Variants in SEL1L observed in about 807,000 individuals in gnomAD.
SEL1L encodes protein sel-1 homolog 1.
Under a neutral mutation model 109.8 loss-of-function variants are expected in SEL1L, and 52 were observed. That is an observed-to-expected ratio of 0.47 (90% CI 0.38 to 0.60). The LOEUF (loss-of-function observed/expected upper bound fraction) is 0.60. Among genes scored for constraint, SEL1L ranks in the 20% least tolerant of loss-of-function variants. The pLI, the probability that SEL1L is intolerant of heterozygous loss-of-function variation, is 0.00. For missense variants in SEL1L, 749 were observed against 962.2 expected, an observed-to-expected ratio of 0.78 and a Z score of 2.93; for synonymous variants, 373 against 339.6, an observed-to-expected ratio of 1.10 and a Z score of -1.08.
At chr14:81,492,266 C>G (rs928480936) in intron 12 of SEL1L, among the ~76,000 whole-genome samples, 1 of 152,224 alleles carries the variant, frequency 6.6e-6, no homozygotes, top group Admixed American at 6.5e-5. Flanking sequence ...GCTGGGATTA[C>G]AGGCGTGAGC....
At chr14:81,501,230 T>C (rs1339630254) in intron 6 of SEL1L, among the ~76,000 whole-genome samples, 1 of 152,208 alleles carries the variant, frequency 6.6e-6, no homozygotes, top group African/African-American at 2.4e-5. Flanking sequence ...AAATCTAGCA[T>C]GAGCAAGAAA....
At chr14:81,511,030 C>T (rs1400200021) in intron 3 of SEL1L, among the ~76,000 whole-genome samples, 2 of 152,308 alleles carry the variant, frequency 1.3e-5, no homozygotes, top group Admixed American at 6.5e-5. Context: ...CAATATTTTA[C>T]TGTTGTCTGG....
rs1258029790 is a variant in SEL1L, at chr14:81,475,810, G to T, written c.*1162C>A. On this transcript the variant is annotated 3_prime_UTR_variant, in exon 21 of 21. Transcript: ENST00000336735. ...TGGTGACTATGATAGCTAAGCAGTG[G>T]CTGGCTTTCTATTATAATATAAAAC... is the stretch of plus-strand genomic sequence containing the variant. 1 of 152,104 alleles carries T rather than the reference G, an allele frequency of 6.6e-6. No homozygotes were observed. The highest frequency in any genetic ancestry group is 6.6e-5 in the Admixed American group (1 of 15,266). The allele number at this position is 152,104 out of a possible 1,614,324, so 9.4% of individuals were successfully genotyped here. A position where few individuals can be genotyped will look rare whatever the true frequency, so the allele number is the denominator to read the frequency against.
chr14:81,489,372 G>A, intron 13 of SEL1L, 58 bp from the exon 14 acceptor site: 1 of 1,353,148 alleles, frequency 7.4e-7, no homozygotes, highest in Non-Finnish European at 1.1e-6. Flanking sequence ...AAATAGGCAA[G>A]AATAAATAAC....
chr14:81,511,308 C>T (rs990529175), intron 3 of SEL1L, among the ~76,000 whole-genome samples: 4 of 152,140 alleles, frequency 2.6e-5, no homozygotes, highest in Non-Finnish European at 5.9e-5. Flanking sequence ...TTTTAAAATA[C>T]AAAGAGAAAG....
intron 3 of SEL1L, among the ~76,000 whole-genome samples, chr14:81,509,092 C>G (rs2140029856): frequency 6.6e-6 from 1 of 152,338 alleles, no homozygotes; most frequent in Middle Eastern, 3.4e-3. Flanking sequence ...GCTACCTTCT[C>G]CAAGGGAAAT....
intron 3 of SEL1L, among the ~76,000 whole-genome samples, chr14:81,512,938 T>A (rs1428792836): frequency 1.3e-5 from 2 of 152,226 alleles, no homozygotes; most frequent in African/African-American, 4.8e-5. Flanking sequence ...TCGGCTGCTA[T>A]CTACAAACTT....
intron 10 of SEL1L, among the ~76,000 whole-genome samples, chr14:81,495,406 T>G (rs527865770): frequency 6.6e-6 from 1 of 152,160 alleles, no homozygotes; most frequent in South Asian, 2.1e-4. Context: ...TGGGAGGTCA[T>G]GGGTGAATCA....
At chr14:81,527,643 T>C in intron 2 of SEL1L, 58 bp downstream of exon 2, 3 of 1,273,010 alleles carry the variant, frequency 2.4e-6, no homozygotes, top group Middle Eastern at 1.9e-4. Context: ...CTAAGATACA[T>C]AATTCATCCT....
intron 3 of SEL1L, among the ~76,000 whole-genome samples, chr14:81,518,681 G>T (rs150458955): frequency 0.026 from 3,652 of 140,640 alleles, 150 homozygotes; most frequent in African/African-American, 0.1. Flanking sequence ...AAAAAAAAAA[G>T]GTAAAAAGAT....
intron 1 of SEL1L, 99 bp downstream of exon 1, chr14:81,533,576 A>G (rs767397094): frequency 2.6e-6 from 3 of 1,139,070 alleles, no homozygotes; most frequent in African/African-American, 3.1e-5. Context: ...GTGCCCAGGG[A>G]GAACGGGGTC....
intron 14 of SEL1L, chr14:81,488,757 T>C: frequency 5.2e-6 from 1 of 193,062 alleles, no homozygotes; most frequent in Non-Finnish European, 1.0e-5. Flanking sequence ...ACAGAGAGTA[T>C]AGTTCCATGA....
intron 3 of SEL1L, among the ~76,000 whole-genome samples, chr14:81,516,778 C>T (rs1884718004): frequency 6.6e-6 from 1 of 152,190 alleles, no homozygotes; most frequent in South Asian, 2.1e-4. Context: ...CAACATTTCA[C>T]ATGCGTTGTT....
At position 81,502,772 on chromosome 14, in the gene SEL1L, C is replaced by T. The variant is rs1884065895; in HGVS notation, c.726G>A (p.Ala242=). The T allele has an allele frequency of 5.0e-6, 8 of 1,614,136 alleles. No homozygotes were observed. The East Asian group carries it at 8.9e-5, about 18-fold the overall frequency. Residue 242 remains alanine (A), a synonymous_variant, in exon 6 of 21, where the codon GCG becomes GCA. Transcript: ENST00000336735. ...CAGTCAGCTTCTCAAACATCTCTCT[C>T]GCTGCCTGGATATTCTGTGGCAAGT... ...GDYLPQNIQA[A]REMFEKLTEE...
intron 3 of SEL1L, among the ~76,000 whole-genome samples, chr14:81,525,666 C>G (rs912081317): frequency 6.6e-6 from 1 of 152,022 alleles, no homozygotes; most frequent in Non-Finnish European, 1.5e-5. Flanking sequence ...CAGATAGGCA[C>G]AAAGATACAT....
intron 1 of SEL1L, among the ~76,000 whole-genome samples, chr14:81,528,349 T>C (rs1333467415): frequency 6.6e-6 from 1 of 152,156 alleles, no homozygotes; most frequent in Non-Finnish European, 1.5e-5. Context: ...ATTCACTCAA[T>C]TGAGAGCTAT....
At chr14:81,513,414 G>C (rs1210684501) in intron 3 of SEL1L, among the ~76,000 whole-genome samples, 1 of 152,112 alleles carries the variant, frequency 6.6e-6, no homozygotes, top group African/African-American at 2.4e-5. Context: ...CTTCACTCCT[G>C]AAGTCAGTGA....
At position 81,498,121 on chromosome 14, in the gene SEL1L, CA is replaced by C. The variant is rs1381645617; in HGVS notation, c.974-76del. The C allele has an allele frequency of 6.9e-6, 10 of 1,451,600 alleles. No individual in the cohort carries two copies. In the Admixed American group the frequency reaches 1.2e-4, roughly 18 times the overall value. 89.9% of individuals were successfully genotyped at this position (1,451,600 alleles called of 1,614,324 possible). On this transcript the variant is annotated intron_variant, in intron 9 of 20. Coordinates refer to ENST00000336735, the MANE Select transcript of SEL1L (RefSeq NM_005065.6). ...TTCCAGAGAGAGAGAAGTACAATTC[CA>C]GCTGCCAAACGTTGACGAACACATT...
chr14:81,491,069 A>T (rs1489506020), intron 12 of SEL1L, among the ~76,000 whole-genome samples: 1 of 152,248 alleles, frequency 6.6e-6, no homozygotes, highest in African/African-American at 2.4e-5. Context: ...CTTTAAGCCC[A>T]ACATGAATCA....
Sources: gnomAD v4.1 joint callset for allele counts (sites outside exome capture counted in the v4.1 genomes callset) on GRCh38, gnomAD v4.1.1 for gene constraint, MANE v1.5 for transcripts, NCBI Gene and HGNC (gene_info 2026-07-23, HGNC 2026-07-21) for gene names.